The following NEIL3 variants were observed in gnomAD, a reference collection of about 807,000 sequenced individuals.
NEIL3 encodes the protein nei like DNA glycosylase 3.
A neutral mutation model predicts 57.5 loss-of-function variants in NEIL3; 48 were observed. The observed-to-expected ratio is 0.83, with a 90% CI of 0.66 to 1.06. The LOEUF is 1.06. Ranked by LOEUF, NEIL3 falls within the 50% of genes least tolerant of loss-of-function variation. NEIL3 has a pLI of 0.00. For missense variants in NEIL3, 717 were observed against 739.1 expected, an observed-to-expected ratio of 0.97 and a Z score of 0.35; for synonymous variants, 261 against 253.2, an observed-to-expected ratio of 1.03 and a Z score of -0.29.
chr4:177,358,737 G>GA (rs1470494305), intron 8 of NEIL3, among the ~76,000 whole-genome samples: 2 of 152,094 alleles, frequency 1.3e-5, no homozygotes, highest in Non-Finnish European at 2.9e-5. Context: ...CTTCTCCCCA[G>GA]AAAAATTTTA....
rs765433921 is a variant in NEIL3, at chr4:177,336,198, A to G, written c.504A>G (p.Glu168=). The change falls in exon 4 of 10, where the codon GAA becomes GAG. Residue 168 remains glutamate, a synonymous_variant. Transcript: ENST00000264596. ...PEFSFLRAES[E]VKKQKGRMLG... is the part of the protein sequence containing the mutation. ...TTAGTTTCTTGAGAGCAGAAAGTGA[A>G]GTTAAAAAACAGAAAGGCCGGATGC... 1 of 1,614,066 alleles carries G rather than the reference A, an allele frequency of 6.2e-7. No homozygotes were observed. The highest frequency in any genetic ancestry group is 1.1e-5 in the South Asian group (1 of 91,078).
chr4:177,367,376 G>GC (rs1365254051), downstream of NEIL3, among the ~76,000 whole-genome samples: 1 of 144,400 alleles, frequency 6.9e-6, no homozygotes, highest in Non-Finnish European at 1.5e-5. Context: ...CAGAGCCCTT[G>GC]CGATGCAGTT....
At chr4:177,353,869 G>C in intron 8 of NEIL3, 141 bp downstream of exon 8, 2 of 695,172 alleles carry the variant, frequency 2.9e-6, no homozygotes, top group Non-Finnish European at 4.8e-6. Context: ...GCGTTCAAGC[G>C]ATTCTCCTGC....
intron 6 of NEIL3, among the ~76,000 whole-genome samples, chr4:177,349,905 G>T (rs940244297): frequency 1.3e-5 from 2 of 152,184 alleles, no homozygotes; most frequent in African/African-American, 2.4e-5. Flanking sequence ...AATTGTGTTT[G>T]TTTAATTATA....
chr4:177,329,214 A>G (rs1486177037), intron 2 of NEIL3, among the ~76,000 whole-genome samples: 3 of 152,194 alleles, frequency 2.0e-5, no homozygotes, highest in Admixed American at 1.3e-4. Flanking sequence ...GATGGAACAA[A>G]TAGAAAACAA....
intron 1 of NEIL3, among the ~76,000 whole-genome samples, chr4:177,322,004 G>A (rs893215745): frequency 3.3e-5 from 5 of 152,088 alleles, no homozygotes; most frequent in East Asian, 1.9e-4. Context: ...AAAGTTCATC[G>A]GTGAAGTTAA....
rs35370036 is a variant in NEIL3 at position 177,341,459 on chromosome 4, G to GT, written c.703-3dup. 164,000 of 1,330,684 alleles carry GT rather than the reference G, an allele frequency of 0.12. 57 individuals are homozygous for GT. The highest frequency in any genetic ancestry group is 0.16 in the South Asian group (11,549 of 70,834). The allele number at this position is 1,330,684 out of a possible 1,614,324, so 82.4% of individuals were successfully genotyped here. On this transcript the variant is annotated splice_polypyrimidine_tract_variant and intron_variant, in intron 5 of 9. Transcript: ENST00000264596. ...GTTTTGTGGATAACAGAATTTTTTG[G>GT]TTTTTTTTTTTTTTAGTGCCGTAAA...
intron 6 of NEIL3, among the ~76,000 whole-genome samples, chr4:177,350,628 G>A (rs1735329635): frequency 6.6e-6 from 1 of 152,098 alleles, no homozygotes; most frequent in Admixed American, 6.5e-5. Context: ...AGTTTCCTGA[G>A]TTTTCTGTGC....
At chr4:177,313,528 A>G (rs1362536112) in intron 1 of NEIL3, among the ~76,000 whole-genome samples, 2 of 152,226 alleles carry the variant, frequency 1.3e-5, no homozygotes, top group African/African-American at 4.8e-5. Flanking sequence ...ACTTATGGTA[A>G]GAAACAATAT....
chr4:177,317,849 G>A (rs1734604690), intron 1 of NEIL3, among the ~76,000 whole-genome samples: 2 of 151,610 alleles, frequency 1.3e-5, no homozygotes, highest in Non-Finnish European at 2.9e-5. Context: ...CGCCTGCCTC[G>A]GCCTCCCAAA....
At chr4:177,350,563 A>G (rs1480312528) in intron 6 of NEIL3, among the ~76,000 whole-genome samples, 1 of 152,202 alleles carries the variant, frequency 6.6e-6, no homozygotes, top group Non-Finnish European at 1.5e-5. Flanking sequence ...TTTTTTCATC[A>G]TTATGAATTA....
chr4:177,328,901 C>G (rs1419565191), intron 2 of NEIL3, among the ~76,000 whole-genome samples: 1 of 151,840 alleles, frequency 6.6e-6, no homozygotes, highest in Non-Finnish European at 1.5e-5. Context: ...TGATGGTACA[C>G]TAATGTTGTT....
Position 177,322,653 on chromosome 4 carries a change from C to T in NEIL3, c.278+73C>T, listed in dbSNP as rs756789434. ...GCGTAGAAGGCTAGATGGAGTTTGC[C>T]GGGTGTCACATTTAATCATATAGGA... is the stretch of plus-strand genomic sequence containing the variant. On this transcript the variant is annotated intron_variant, in intron 2 of 9. Transcript: ENST00000264596. 71 of 1,576,260 alleles carry T rather than the reference C, an allele frequency of 4.5e-5. 2 individuals carry two copies. The highest frequency in any genetic ancestry group is 3.4e-5 in the Admixed American group (2 of 59,104).
At chr4:177,321,048 A>T (rs1734676484) in intron 1 of NEIL3, among the ~76,000 whole-genome samples, 1 of 152,150 alleles carries the variant, frequency 6.6e-6, no homozygotes, top group South Asian at 2.1e-4. Flanking sequence ...TAGTGAAATA[A>T]AGAATAGAGT....
chr4:177,363,028 G>T (rs1214939272), downstream of NEIL3: 1 of 152,178 alleles, frequency 6.6e-6, no homozygotes, highest in African/African-American at 2.4e-5. Flanking sequence ...CTTCAAATTT[G>T]TGTTCTCATG....
chr4:177,323,438 A>G (rs1734725501), intron 2 of NEIL3, among the ~76,000 whole-genome samples: 2 of 152,180 alleles, frequency 1.3e-5, no homozygotes, highest in African/African-American at 4.8e-5. Context: ...ATGATACTAT[A>G]TGATTGTTCT....
chr4:177,361,542 C>T (rs1011500869), intron 9 of NEIL3, among the ~76,000 whole-genome samples: 1 of 152,100 alleles, frequency 6.6e-6, no homozygotes, highest in African/African-American at 2.4e-5. Context: ...TAACTCTACC[C>T]TACAAAATTC....
At chr4:177,322,036 TATC>T (rs1734694973) in intron 1 of NEIL3, among the ~76,000 whole-genome samples, 1 of 152,250 alleles carries the variant, frequency 6.6e-6, no homozygotes, top group Non-Finnish European at 1.5e-5. Context: ...TTTCATATTT[TATC>T]ATCTGTCATT....
intron 2 of NEIL3, among the ~76,000 whole-genome samples, chr4:177,333,100 C>T (rs568978592): frequency 6.6e-6 from 1 of 151,758 alleles, no homozygotes; most frequent in African/African-American, 2.4e-5. Context: ...ATAGGTTTTA[C>T]AACTATTATA....
Sources: allele counts gnomAD v4.1 joint callset (sites outside exome capture counted in the v4.1 genomes callset), GRCh38; gene constraint gnomAD v4.1.1; transcripts MANE v1.5; gene names NCBI Gene and HGNC (gene_info 2026-07-23, HGNC 2026-07-21).